STK17A: variants seen among roughly 807,000 people sequenced by gnomAD.
STK17A encodes the protein serine/threonine-protein kinase 17A.
STK17A carries 26 observed loss-of-function variants against 43.7 expected under a neutral mutation model. The observed-to-expected ratio is 0.60, with a 90% confidence interval of 0.44 to 0.83. The LOEUF (loss-of-function observed/expected upper bound fraction) is 0.83. STK17A is among the 40% of genes least tolerant of loss of function. The probability of loss-of-function intolerance (pLI) is 0.00; values close to 1 mark genes in which losing one functional copy is unlikely to be tolerated. For synonymous variants in STK17A, 191 were observed against 182.5 expected (o/e 1.05, Z -0.38); for missense variants, 476 against 511.6 (o/e 0.93, Z 0.67).
At chr7:43,614,761 T>C (rs796517151) in intron 3 of STK17A, among the ~76,000 whole-genome samples, 3 of 152,348 alleles carry the variant, frequency 2.0e-5, no homozygotes, top group African/African-American at 7.2e-5. Context: ...TGGTGTATCA[T>C]AGATGCATGT....
intron 3 of STK17A, among the ~76,000 whole-genome samples, chr7:43,610,463 C>G (rs1003794757): frequency 6.8e-6 from 1 of 147,106 alleles, no homozygotes; most frequent in Non-Finnish European, 1.5e-5. Flanking sequence ...GTCAGGAGTT[C>G]AAGACCAGCC....
chr7:43,596,179 C>T (rs2082514156), intron 2 of STK17A, 66 bp downstream of exon 2: 1 of 1,431,500 alleles, frequency 7.0e-7, no homozygotes, highest in Non-Finnish European at 9.5e-7. Context: ...GAATGCCACT[C>T]ATCTGTGATA....
chr7:43,607,156 C>A (rs551448229), intron 2 of STK17A, among the ~76,000 whole-genome samples: 1 of 151,886 alleles, frequency 6.6e-6, no homozygotes, highest in African/African-American at 2.4e-5. Flanking sequence ...TTCCTGATCT[C>A]AGGTGATCTG....
chr7:43,597,154 A>G (rs2082521850), intron 2 of STK17A, among the ~76,000 whole-genome samples: 1 of 152,178 alleles, frequency 6.6e-6, no homozygotes, highest in Non-Finnish European at 1.5e-5. Flanking sequence ...GCAAATACAC[A>G]CAAACACATG....
intron 1 of STK17A, among the ~76,000 whole-genome samples, chr7:43,592,687 T>TA (rs34551277): frequency 0.049 from 5,349 of 109,440 alleles, 258 homozygotes; most frequent in African/African-American, 0.14. Context: ...CCATCTGTAC[T>TA]AAAAAAAAAA....
chr7:43,605,777 G>A (rs927163833), intron 2 of STK17A, among the ~76,000 whole-genome samples: 1 of 151,936 alleles, frequency 6.6e-6, no homozygotes, highest in African/African-American at 2.4e-5. Context: ...TTGTTCTAAT[G>A]CCTGAAATAG....
rs1044467179 is a variant in STK17A at position 43,591,104 on chromosome 7, A to G, written c.207-4797A>G. 4.0e-5 allele frequency among the ~76,000 whole-genome samples: 6 copies of G among 151,500 alleles called. 1 individual carries two copies. Among genetic ancestry groups the G allele is most frequent in the Non-Finnish European group, 8.9e-5 (6 of 67,620 alleles). On this transcript the variant is annotated intron_variant, in intron 1 of 6. Transcript: ENST00000319357. ...AGATGAAGGCATGCATGCTTCCTCA[A>G]ATCATTGCGACCTGCTGTCATAATG... is the stretch of plus-strand genomic sequence containing the variant.
rs940732309 is a variant in STK17A, at chr7:43,625,776, A to C, written c.*934A>C. The C allele has an allele frequency of 4.1e-5, 6 of 146,866 alleles. No individual in the cohort carries two copies. Among genetic ancestry groups the C allele is most frequent in the Admixed American group, 2.0e-4 (3 of 14,686 alleles). The allele number at this position is 146,866 out of a possible 1,614,324, so 9.1% of individuals were successfully genotyped here. On this transcript the variant is annotated 3_prime_UTR_variant, in exon 7 of 7. Coordinates refer to ENST00000319357, the MANE Select transcript of STK17A (RefSeq NM_004760.3). Reference sequence around the variant, plus strand: ...AGCAGAGAGAGAGAGAGAGAGAGAGAGTGTCTTCATGCCAACCACAGCCTG... The same window carrying C: ...AGCAGAGAGAGAGAGAGAGAGAGAGCGTGTCTTCATGCCAACCACAGCCTG...
chr7:43,591,916 G>C (rs1040316721), intron 1 of STK17A, among the ~76,000 whole-genome samples: 2 of 151,606 alleles, frequency 1.3e-5, no homozygotes, highest in Non-Finnish European at 3.0e-5. Flanking sequence ...TATGTAATAA[G>C]TAGTTTTTTA....
chr7:43,592,802 G>T (rs1431058180), intron 1 of STK17A, among the ~76,000 whole-genome samples: 2 of 152,126 alleles, frequency 1.3e-5, no homozygotes, highest in African/African-American at 4.8e-5. Flanking sequence ...AGAAGCGGAG[G>T]TTGCAGTGAG....
chr7:43,603,157 AC>A lies in STK17A; in HGVS notation c.420-5098del, dbSNP rs2082566496. 4.6e-5 allele frequency among the ~76,000 whole-genome samples: 7 copies of A among 152,192 alleles called. 1 individual carries two copies. In the South Asian group the frequency reaches 1.4e-3, roughly 31 times the overall value. On this transcript the variant is annotated intron_variant, in intron 2 of 6. Coordinates refer to ENST00000319357, the MANE Select transcript of STK17A (RefSeq NM_004760.3). ...CTACTGTTAGATAAATAATAAAAAT[AC>A]AGATTTGGTGATATTATTCTCTTGC...
At chr7:43,621,989 C>A (rs1338113846) in intron 4 of STK17A, among the ~76,000 whole-genome samples, 1 of 152,116 alleles carries the variant, frequency 6.6e-6, no homozygotes, top group Non-Finnish European at 1.5e-5. Context: ...TCTCTTTATA[C>A]CTCAGATTCC....
At chr7:43,603,217 G>T (rs1056905735) in intron 2 of STK17A, among the ~76,000 whole-genome samples, 2 of 152,078 alleles carry the variant, frequency 1.3e-5, no homozygotes, top group Non-Finnish European at 2.9e-5. Flanking sequence ...TTTCTTTGAT[G>T]ATCAGGTTTT....
chr7:43,583,370 C>T lies in STK17A; in HGVS notation c.127C>T (p.Leu43=), dbSNP rs11555027. 6,862 of 1,448,008 alleles carry T rather than the reference C, an allele frequency of 4.7e-3. 271 individuals carry two copies. In the African/African-American group the frequency reaches 0.087, roughly 18 times the overall value. The allele number at this position is 1,448,008 out of a possible 1,614,324, so 89.7% of individuals were successfully genotyped here. A position where few individuals can be genotyped will look rare whatever the true frequency, so the allele number is the denominator to read the frequency against. ...PPPPPQARGL[L]TEIRAVVRTE... ...GCCGCCGCCCCAGGCCCGCGGGCTG[C>T]TGACAGAGATACGCGCCGTGGTGCG... Residue 43 remains leucine, a synonymous_variant, in exon 1 of 7, where the codon CTG becomes TTG. Transcript: ENST00000319357.
chr7:43,598,751 G>C (rs2082536888), intron 2 of STK17A, among the ~76,000 whole-genome samples: 1 of 151,008 alleles, frequency 6.6e-6, no homozygotes, highest in Non-Finnish European at 1.5e-5. Flanking sequence ...TGTTTTTGTT[G>C]TTCTTTTTTG....
At chr7:43,593,504 T>C (rs2082493370) in intron 1 of STK17A, among the ~76,000 whole-genome samples, 2 of 152,238 alleles carry the variant, frequency 1.3e-5, no homozygotes, top group Non-Finnish European at 2.9e-5. Flanking sequence ...CCACCAGCAG[T>C]GTATAAGCGT....
intron 1 of STK17A, among the ~76,000 whole-genome samples, chr7:43,588,290 T>A (rs2082456541): frequency 1.3e-5 from 2 of 151,570 alleles, no homozygotes; most frequent in Admixed American, 1.3e-4. Context: ...TAGTCTTCAC[T>A]GCCCTGTATG....
intron 3 of STK17A, among the ~76,000 whole-genome samples, chr7:43,616,484 C>T (rs1335471684): frequency 1.3e-5 from 2 of 152,140 alleles, no homozygotes; most frequent in East Asian, 3.9e-4. Context: ...TGGCTTCTGT[C>T]CTCATGAAGC....
intron 1 of STK17A, among the ~76,000 whole-genome samples, chr7:43,591,589 G>A (rs2152970690): frequency 6.6e-6 from 1 of 151,734 alleles, no homozygotes; most frequent in South Asian, 2.1e-4. Flanking sequence ...CAAAGGTGGT[G>A]TCAGTGTAGT....
Sources: gnomAD v4.1 joint callset for allele counts (sites outside exome capture counted in the v4.1 genomes callset) on GRCh38, gnomAD v4.1.1 for gene constraint, MANE v1.5 for transcripts, NCBI Gene and HGNC (gene_info 2026-07-23, HGNC 2026-07-21) for gene names.